Variants in SLC39A10 observed in about 807,000 individuals in gnomAD.
SLC39A10 encodes the protein solute carrier family 39 member 10, also known as zinc transporter ZIP10.
SLC39A10 carries 13 observed loss-of-function variants against 65.1 expected under a neutral mutation model. The ratio of observed to expected loss-of-function variants is 0.20; its 90% CI spans 0.13 to 0.32. SLC39A10 has a LOEUF of 0.32. Among genes scored for constraint, SLC39A10 ranks in the 10% least tolerant of loss-of-function variants. The pLI is 1.00. For missense variants in SLC39A10, 831 were observed against 1,018.4 expected (o/e 0.82, Z 2.50); for synonymous variants, 321 against 342.2 (o/e 0.94, Z 0.68).
At chr2:195,712,439 C>G (rs1021740499) in intron 5 of SLC39A10, among the ~76,000 whole-genome samples, 3 of 152,206 alleles carry the variant, frequency 2.0e-5, no homozygotes, top group African/African-American at 7.2e-5. Flanking sequence ...ACCTTATGCT[C>G]TACTAGCCAT....
upstream of SLC39A10, among the ~76,000 whole-genome samples, chr2:195,652,816 C>T (rs886726437): frequency 1.3e-5 from 2 of 152,198 alleles, no homozygotes; most frequent in African/African-American, 4.8e-5. Flanking sequence ...CGGGGCCACA[C>T]AGCAGGAGGT....
intron 5 of SLC39A10, among the ~76,000 whole-genome samples, chr2:195,711,799 G>T (rs1454653865): frequency 6.6e-6 from 1 of 152,138 alleles, no homozygotes; most frequent in Non-Finnish European, 1.5e-5. Flanking sequence ...ATCTCAGCTG[G>T]TGTTTTCATT....
chr2:195,737,427 TA>T lies in SLC39A10; in HGVS notation c.*2387del, dbSNP rs1402262423. ...TCAGCTGTGATTGATTGATTATGCT[TA>T]GAAATACTATAGTAACTAGATGCAG... On this transcript the variant is annotated 3_prime_UTR_variant, in exon 10 of 10. Coordinates refer to ENST00000359634, the MANE Select transcript of SLC39A10 (RefSeq NM_020342.3). 1.9e-5 allele frequency: 3 copies of T among 157,904 alleles called. No individual in the cohort carries two copies. Among genetic ancestry groups the T allele is most frequent in the African/African-American group, 7.3e-5 (3 of 41,300 alleles). The allele number at this position is 157,904 out of a possible 1,614,324, so 9.8% of individuals were successfully genotyped here.
At chr2:195,733,596 T>C (rs1268822910) in intron 9 of SLC39A10, among the ~76,000 whole-genome samples, 2 of 152,086 alleles carry the variant, frequency 1.3e-5, no homozygotes, top group Non-Finnish European at 2.9e-5. Flanking sequence ...AGTGGCGCAA[T>C]CTTGGCTCAC....
chr2:195,638,885 G>A (rs577941689), intron 2 of SLC39A10, among the ~76,000 whole-genome samples: 62 of 151,512 alleles, frequency 4.1e-4, no homozygotes, highest in Middle Eastern at 6.9e-3. Context: ...TAGTCATTAT[G>A]AGTCCCTAGT....
chr2:195,619,772 G>A (rs1345836457), intron 2 of SLC39A10, among the ~76,000 whole-genome samples: 1 of 152,148 alleles, frequency 6.6e-6, no homozygotes, highest in Non-Finnish European at 1.5e-5. Flanking sequence ...ACAAGTCTGA[G>A]TAAGATGGAA....
chr2:195,674,730 A>G (rs184863924), intron 1 of SLC39A10: 2 of 834,348 alleles, frequency 2.4e-6, no homozygotes, highest in Admixed American at 6.2e-5. Flanking sequence ...TGTGAACATC[A>G]TAGAGTATAC....
intron 2 of SLC39A10, among the ~76,000 whole-genome samples, chr2:195,615,464 T>C (rs905008761): frequency 4.6e-5 from 7 of 152,254 alleles, no homozygotes; most frequent in African/African-American, 1.7e-4. Context: ...TGACCGGCCA[T>C]CTGGCCAGTT....
intron 1 of SLC39A10, 98 bp downstream of exon 1, chr2:195,657,379 G>A (rs1662126404): frequency 4.1e-6 from 4 of 985,342 alleles, no homozygotes; most frequent in African/African-American, 1.7e-5. Flanking sequence ...GGGGTAGAAA[G>A]GGAGAACAGA....
chr2:195,646,934 G>T (rs912368696), intron 2 of SLC39A10, among the ~76,000 whole-genome samples: 1 of 152,084 alleles, frequency 6.6e-6, no homozygotes, highest in Non-Finnish European at 1.5e-5. Flanking sequence ...CTGGTCCCTG[G>T]CGCCAAAAAG....
At chr2:195,723,137 C>T (rs963604004) in intron 8 of SLC39A10, among the ~76,000 whole-genome samples, 1 of 152,148 alleles carries the variant, frequency 6.6e-6, no homozygotes, top group African/African-American at 2.4e-5. Context: ...GGGAATTTGA[C>T]TGTAAGAGAC....
chr2:195,643,827 A>G (rs1688857123), intron 2 of SLC39A10, among the ~76,000 whole-genome samples: 1 of 152,220 alleles, frequency 6.6e-6, no homozygotes, highest in African/African-American at 2.4e-5. Context: ...AGGTTGTCAG[A>G]ACTTCATTGT....
intron 3 of SLC39A10, among the ~76,000 whole-genome samples, chr2:195,698,086 AT>A (rs1176462632): frequency 6.6e-6 from 1 of 151,958 alleles, no homozygotes; most frequent in Non-Finnish European, 1.5e-5. Flanking sequence ...TGCTGAATTC[AT>A]TCTAATACTT....
At chr2:195,734,795 C>G in intron 9 of SLC39A10, 88 bp from the exon 10 acceptor site, 3 of 1,290,994 alleles carry the variant, frequency 2.3e-6, no homozygotes, top group Non-Finnish European at 3.2e-6. Flanking sequence ...ACTTCAGTCA[C>G]TAATTTTCTT....
intron 1 of SLC39A10, among the ~76,000 whole-genome samples, chr2:195,675,994 A>T (rs1690071979): frequency 6.7e-6 from 1 of 150,098 alleles, no homozygotes; most frequent in South Asian, 2.1e-4. Flanking sequence ...TGAATTGCCT[A>T]GATTATTAGT....
intron 9 of SLC39A10, among the ~76,000 whole-genome samples, chr2:195,731,859 G>T (rs1225033125): frequency 3.9e-5 from 6 of 152,174 alleles, no homozygotes; most frequent in Admixed American, 6.5e-5. Context: ...CCTTTGAACA[G>T]TAAGTCTATA....
At chr2:195,721,522 C>T (rs1029007028) in intron 8 of SLC39A10, among the ~76,000 whole-genome samples, 1 of 151,898 alleles carries the variant, frequency 6.6e-6, no homozygotes, top group Admixed American at 6.6e-5. Flanking sequence ...TTTGCTTTCT[C>T]GGGGTCCTTC....
chr2:195,730,929 C>G (rs1471639628), intron 9 of SLC39A10, among the ~76,000 whole-genome samples: 1 of 152,152 alleles, frequency 6.6e-6, no homozygotes, highest in Non-Finnish European at 1.5e-5. Flanking sequence ...GCCAGAAAGT[C>G]CTGAGGCCTC....
intron 3 of SLC39A10, among the ~76,000 whole-genome samples, chr2:195,706,039 G>A (rs779645303): frequency 2.0e-5 from 3 of 151,792 alleles, no homozygotes; most frequent in Non-Finnish European, 4.4e-5. Flanking sequence ...ACCAGGTGTG[G>A]AGAAAAAAAA....
Sources: allele counts gnomAD v4.1 joint callset (sites outside exome capture counted in the v4.1 genomes callset), GRCh38; gene constraint gnomAD v4.1.1; transcripts MANE v1.5; gene names NCBI Gene and HGNC (gene_info 2026-07-23, HGNC 2026-07-21).